GSAP: variants seen among roughly 807,000 people sequenced by gnomAD.
GSAP encodes gamma-secretase-activating protein.
In GSAP, 118 loss-of-function variants were observed where a neutral mutation model predicts 131.7. That is an observed-to-expected ratio of 0.90 (90% CI 0.77 to 1.04). GSAP has a LOEUF of 1.04. Ranked by LOEUF, GSAP falls within the 50% of genes least tolerant of loss-of-function variation. GSAP has a pLI of 0.00. For missense variants in GSAP, 1,019 were observed against 1,013.2 expected (o/e 1.01, Z -0.08); for synonymous variants, 381 against 363.4 (o/e 1.05, Z -0.55).
At chr7:77,332,688 TTAAG>T (rs1407629529) in intron 19 of GSAP, among the ~76,000 whole-genome samples, 4 of 152,190 alleles carry the variant, frequency 2.6e-5, no homozygotes, top group Admixed American at 6.5e-5. Flanking sequence ...AAATTTACAC[TTAAG>T]TAAGAAATAC....
intron 23 of GSAP, among the ~76,000 whole-genome samples, chr7:77,325,162 A>C (rs1251180621): frequency 1.3e-5 from 2 of 152,142 alleles, no homozygotes; most frequent in African/African-American, 4.8e-5. Flanking sequence ...TAATTTTATA[A>C]AAGTACTATA....
intron 6 of GSAP, among the ~76,000 whole-genome samples, chr7:77,386,467 G>T (rs1215377286): frequency 2.6e-5 from 4 of 152,124 alleles, no homozygotes; most frequent in African/African-American, 7.2e-5. Flanking sequence ...GAAGCCTCTA[G>T]TCACAGCATG....
chr7:77,378,889 AT>A (rs1292149476), intron 8 of GSAP, among the ~76,000 whole-genome samples: 2 of 152,230 alleles, frequency 1.3e-5, no homozygotes, highest in Non-Finnish European at 2.9e-5. Flanking sequence ...GGTAGAAGAA[AT>A]GAGGAAAAAA....
intron 26 of GSAP, chr7:77,315,749 A>C (rs191232901): frequency 1.3e-5 from 2 of 152,362 alleles, no homozygotes; most frequent in African/African-American, 2.4e-5. Context: ...TATTCAGAAA[A>C]TAGTAAATGA....
In GSAP at chr7:77,355,026, C is replaced by T. The variant is rs568739589; in HGVS notation, c.1338+187G>A. On this transcript the variant is annotated intron_variant, in intron 16 of 30. Coordinates refer to ENST00000257626, the MANE Select transcript of GSAP (RefSeq NM_017439.4). The stretch of plus-strand genomic sequence containing the variant: ...GGGGGTACCCAAAAGAACAGAAACA[C>T]CCTGAGTGTGAGACCTGGTAGGGAT... 7.9e-5 allele frequency among the ~76,000 whole-genome samples: 12 copies of T among 152,232 alleles called. No individual in the cohort carries two copies. In the East Asian group the frequency reaches 1.7e-3, roughly 22 times the overall value.
rs532619611 is a variant in GSAP, at chr7:77,377,400, C to A, written c.577-10G>T. 1,395 of 1,184,240 alleles carry A rather than the reference C, an allele frequency of 1.2e-3. No homozygotes were observed. Among genetic ancestry groups the A allele is most frequent in the South Asian group, 2.7e-3 (151 of 55,378 alleles). 73.4% of individuals were successfully genotyped at this position (1,184,240 alleles called of 1,614,324 possible). A position where few individuals can be genotyped will look rare whatever the true frequency, so the allele number is the denominator to read the frequency against. On this transcript the variant is annotated splice_polypyrimidine_tract_variant and intron_variant, in intron 8 of 30. Coordinates refer to ENST00000257626, the MANE Select transcript of GSAP (RefSeq NM_017439.4). ...CAGAATTTTTAATCACCTAAAAATG[C>A]AAAAAAAAAAAAAAAAAAAAAAGTA... is the stretch of plus-strand genomic sequence containing the variant.
chr7:77,346,751 G>A (rs1325697162), intron 19 of GSAP, among the ~76,000 whole-genome samples: 1 of 151,818 alleles, frequency 6.6e-6, no homozygotes, highest in East Asian at 1.9e-4. Flanking sequence ...TTATTGTGGT[G>A]TTTTGTATGT....
chr7:77,404,695 A>G (rs760904189), intron 2 of GSAP, 80 bp from the exon 3 acceptor site: 26 of 786,890 alleles, frequency 3.3e-5, no homozygotes, highest in Non-Finnish European at 5.8e-5. Context: ...ACCAACCTGC[A>G]ATAACTCAAT....
Position 77,382,410 on chromosome 7 carries a change from A to G in GSAP, c.526+164T>C, listed in dbSNP as rs75207404. On this transcript the variant is annotated intron_variant, in intron 7 of 30. Coordinates refer to ENST00000257626, the MANE Select transcript of GSAP (RefSeq NM_017439.4). ...CAAAGGGAACACCACTTGGGGGCCA[A>G]AGGAAAAGCCCTTCCCAAGGAATTC... Among the ~76,000 whole-genome samples, 1,437 of 152,306 alleles carry G rather than the reference A, an allele frequency of 9.4e-3. 44 individuals carry two copies. Among genetic ancestry groups the G allele is most frequent in the Admixed American group, 0.076 (1,169 of 15,282 alleles).
chr7:77,389,122 T>C (rs1308791638), intron 5 of GSAP, among the ~76,000 whole-genome samples: 1 of 152,054 alleles, frequency 6.6e-6, no homozygotes, highest in Admixed American at 6.5e-5. Context: ...GAGGTGAGTA[T>C]GTGGGGGGGA....
intron 6 of GSAP, among the ~76,000 whole-genome samples, chr7:77,383,036 G>A (rs112941335): frequency 3.3e-4 from 50 of 152,056 alleles, no homozygotes; most frequent in African/African-American, 1.2e-3. Flanking sequence ...AAATACAAAA[G>A]ATTAGCCAAG....
intron 5 of GSAP, among the ~76,000 whole-genome samples, chr7:77,393,131 G>A (rs1251125935): frequency 2.6e-5 from 4 of 151,960 alleles, no homozygotes; most frequent in Admixed American, 6.6e-5. Flanking sequence ...CAAAAAAATG[G>A]TACAATTTGT....
chr7:77,320,045 A>T (rs1232776820), intron 26 of GSAP, among the ~76,000 whole-genome samples: 1 of 152,228 alleles, frequency 6.6e-6, no homozygotes, highest in East Asian at 1.9e-4. Context: ...TACACAATAA[A>T]AAAATGAACT....
In GSAP at chr7:77,416,330, C is replaced by A. The variant is rs1340690189; in HGVS notation, c.-9G>T. 6.8e-7 allele frequency: 1 copy of A among 1,470,894 alleles called. No homozygotes were observed. The highest frequency in any genetic ancestry group is 9.0e-7 in the Non-Finnish European group (1 of 1,106,058). 91.1% of individuals were successfully genotyped at this position (1,470,894 alleles called of 1,614,324 possible). ...ACCAGGCGAAGAGCCATCGCCCGGA[C>A]ACGACCACCGGGCGGCTCTGGGGCC... On this transcript the variant is annotated 5_prime_UTR_variant, in exon 1 of 31. Coordinates refer to ENST00000257626, the MANE Select transcript of GSAP (RefSeq NM_017439.4).
rs983232727 is a variant in GSAP at position 77,329,349 on chromosome 7, G to C, written c.1717C>G (p.Leu573Val). Residue 573 changes from leucine to valine, a missense_variant, in exon 21 of 31, where the codon CTT (leucine) becomes GTT (valine). Coordinates refer to ENST00000257626, the MANE Select transcript of GSAP (RefSeq NM_017439.4). ...RRSAAYVRNI[L>V]DNAVKVISNL... ...TTCACTTACTTTACTGCATTATCAA[G>C]AATATTCCTCACGTATGCCGCAGAC... 3 of 1,579,502 alleles carry C rather than the reference G, an allele frequency of 1.9e-6. No individual in the cohort carries two copies. The highest frequency in any genetic ancestry group is 2.6e-6 in the Non-Finnish European group (3 of 1,159,028).
In GSAP at chr7:77,404,727, A is replaced by G. The variant is rs972582365; in HGVS notation, c.187-112T>C. Reference sequence around the variant, plus strand: ...CAATCTTAGCAGTAAGCACTCTAAAAGAAGCTTTCTGTGCCTGTCAGAGGG... The same window carrying G: ...CAATCTTAGCAGTAAGCACTCTAAAGGAAGCTTTCTGTGCCTGTCAGAGGG... On this transcript the variant is annotated intron_variant, in intron 2 of 30. Coordinates refer to ENST00000257626, the MANE Select transcript of GSAP (RefSeq NM_017439.4). 13 of 673,956 alleles carry G rather than the reference A, an allele frequency of 1.9e-5. No individual in the cohort carries two copies. The Admixed American group carries it at 2.4e-4, about 12-fold the overall frequency. The allele number at this position is 673,956 out of a possible 1,614,324, so 41.7% of individuals were successfully genotyped here.
chr7:77,382,497 A>C, intron 7 of GSAP, 77 bp downstream of exon 7: 1 of 760,900 alleles, frequency 1.3e-6, no homozygotes, highest in South Asian at 1.5e-5. Context: ...GATATCTAGA[A>C]GATTCAATCA....
Position 77,381,358 on chromosome 7 carries a change from T to G in GSAP, c.527-4A>C. The G allele has an allele frequency of 6.8e-7, 1 of 1,469,098 alleles. No individual in the cohort carries two copies. The highest frequency in any genetic ancestry group is 1.2e-5 in the South Asian group (1 of 81,248). The allele number at this position is 1,469,098 out of a possible 1,614,324, so 91.0% of individuals were successfully genotyped here. On this transcript the variant is annotated splice_region_variant and splice_polypyrimidine_tract_variant and intron_variant, in intron 7 of 30. Transcript: ENST00000257626. Reference sequence around the variant, plus strand: ...TGGATACGAAATTGTTCAATATCTTTAAAAGAAAAACAAAGAAAGATAATT... The same window carrying G: ...TGGATACGAAATTGTTCAATATCTTGAAAAGAAAAACAAAGAAAGATAATT...
intron 19 of GSAP, among the ~76,000 whole-genome samples, chr7:77,337,134 C>A (rs1276134889): frequency 6.6e-6 from 1 of 152,170 alleles, no homozygotes; most frequent in Non-Finnish European, 1.5e-5. Context: ...TAATTACATT[C>A]ATGCTCTGCC....
Sources: allele counts gnomAD v4.1 joint callset (sites outside exome capture counted in the v4.1 genomes callset), GRCh38; gene constraint gnomAD v4.1.1; transcripts MANE v1.5; gene names NCBI Gene and HGNC (gene_info 2026-07-23, HGNC 2026-07-21).